The following SV2A variants were observed in gnomAD, a reference collection of about 807,000 sequenced individuals.
SV2A encodes solute carrier family 22 member B1.
SV2A carries 25 observed loss-of-function variants against 78.0 expected under a neutral mutation model. The observed-to-expected ratio is 0.32, with a 90% CI of 0.23 to 0.45. SV2A has a LOEUF of 0.45. SV2A is among the 20% of genes least tolerant of loss of function. The probability of loss-of-function intolerance (pLI) is 1.00; values close to 1 mark genes in which losing one functional copy is unlikely to be tolerated. For missense variants in SV2A, 752 were observed against 971.5 expected, an observed-to-expected ratio of 0.77 and a Z score of 3.00; for synonymous variants, 355 against 384.7, an observed-to-expected ratio of 0.92 and a Z score of 0.90.
Position 149,909,543 on chromosome 1 carries a change from T to TC in SV2A, c.1207dup (p.Glu403GlyfsTer3). On this transcript the variant is annotated frameshift_variant, in exon 7 of 13. Transcript: ENST00000369146. LOFTEE classifies it high-confidence loss of function. ...CGACTGGATCTCAATCAATTCATCC[T>TC]CCTGATGAATCGTCTTAATGTGGGT... The TC allele has an allele frequency of 1.9e-6, 3 of 1,614,026 alleles. No homozygotes were observed. Among genetic ancestry groups the TC allele is most frequent in the Non-Finnish European group, 2.5e-6 (3 of 1,179,956 alleles).
chr1:149,907,609 G>A, intron 10 of SV2A, 91 bp downstream of exon 10: 1 of 1,471,280 alleles, frequency 6.8e-7, no homozygotes, highest in Non-Finnish European at 9.1e-7. Flanking sequence ...ATCTCAGCTT[G>A]AGAACCCTAA....
intron 1 of SV2A, 148 bp downstream of exon 1, chr1:149,917,591 C>T (rs1553764714): frequency 6.6e-6 from 1 of 152,276 alleles, no homozygotes; most frequent in East Asian, 1.9e-4. Context: ...CAAACCACCA[C>T]CAACCCACCA....
chr1:149,909,885 T>C lies in SV2A; in HGVS notation c.1095A>G (p.Gly365=). 3.1e-6 allele frequency: 5 copies of C among 1,613,978 alleles called. No homozygotes were observed. Among genetic ancestry groups the C allele is most frequent in the Non-Finnish European group, 4.2e-6 (5 of 1,179,974 alleles). ...GCACCATCCAGGCCTCATCATGCTT[T>C]CCATTCTAGAGCCAAAGACACAATC... The part of the protein sequence containing the change: ...PESPRFFLEN[G]KHDEAWMVLK... The change falls in exon 6 of 13, where the codon GGA becomes GGG. Residue 365 remains glycine, a synonymous_variant. Coordinates refer to ENST00000369146, the MANE Select transcript of SV2A (RefSeq NM_014849.5).
At position 149,910,466 on chromosome 1, in the gene SV2A, G is replaced by T; in HGVS notation, c.1089+104C>A. On this transcript the variant is annotated intron_variant, in intron 5 of 12. Coordinates refer to ENST00000369146, the MANE Select transcript of SV2A (RefSeq NM_014849.5). This position sits in a 1 kb window ranked among gnomAD's most constrained non-coding sequence, Gnocchi z 4.2. ...GTGAGGAAGGCAGGCAGTCAAACAG[G>T]ATCAAATCAAACTCCAGTTGGTGTT... 4 of 1,422,402 alleles carry T rather than the reference G, an allele frequency of 2.8e-6. No homozygotes were observed. The highest frequency in any genetic ancestry group is 3.7e-6 in the Non-Finnish European group (4 of 1,080,338). 88.1% of individuals were successfully genotyped at this position (1,422,402 alleles called of 1,614,324 possible).
chr1:149,909,337 A>G (rs923181359), intron 7 of SV2A, 57 bp from the exon 8 acceptor site: 3 of 1,595,042 alleles, frequency 1.9e-6, no homozygotes, highest in Admixed American at 1.7e-5. Context: ...GCACCCATAG[A>G]TCCCCACTTT....
intron 12 of SV2A, chr1:149,905,432 C>G (rs1203725005): frequency 1.2e-5 from 5 of 417,194 alleles, no homozygotes; most frequent in Non-Finnish European, 2.1e-5. Context: ...GGAGTAGATA[C>G]AAAAGCTACC....
intron 1 of SV2A, among the ~76,000 whole-genome samples, chr1:149,917,153 A>T (rs1357879511): frequency 2.7e-5 from 3 of 111,542 alleles, no homozygotes; most frequent in African/African-American, 1.0e-4. Context: ...CCTTCCCCCC[A>T]CCCCGGAGCA....
chr1:149,908,586 GC>G (rs1376464027), intron 8 of SV2A, among the ~76,000 whole-genome samples: 2 of 147,692 alleles, frequency 1.4e-5, no homozygotes, highest in Non-Finnish European at 3.0e-5. Context: ...TGCTCCCACT[GC>G]CCTTCCCCCA....
At position 149,906,804 on chromosome 1, in the gene SV2A, C is replaced by A. The variant is rs143496162; in HGVS notation, c.1731G>T (p.Leu577=). 6.8e-6 allele frequency: 11 copies of A among 1,614,082 alleles called. No individual in the cohort carries two copies. The African/African-American group carries it at 1.1e-4, about 16-fold the overall frequency. The part of the protein sequence containing the change: ...VNSRLINSTF[L]HNKEGCPLDV... ...CTAGCGGGCAGCCCTCCTTGTTGTG[C>A]AGGAATGTACTGTTTATCAGACGGC... Residue 577 remains leucine, a synonymous_variant, in exon 11 of 13, where the codon CTG becomes CTT. Coordinates refer to ENST00000369146, the MANE Select transcript of SV2A (RefSeq NM_014849.5).
chr1:149,906,404 C>T (rs1480972520), intron 11 of SV2A, among the ~76,000 whole-genome samples: 4 of 152,154 alleles, frequency 2.6e-5, no homozygotes, highest in Non-Finnish European at 4.4e-5. Flanking sequence ...GGTGGTGGAG[C>T]TGAGATTCAA....
rs188438796 is a variant in SV2A at position 149,905,315 on chromosome 1, A to G, written c.2046-118T>C. 7 of 885,102 alleles carry G rather than the reference A, an allele frequency of 7.9e-6. No homozygotes were observed. The Admixed American group carries it at 7.9e-5, about 10-fold the overall frequency. 54.8% of individuals were successfully genotyped at this position (885,102 alleles called of 1,614,324 possible). A position where few individuals can be genotyped will look rare whatever the true frequency, so the allele number is the denominator to read the frequency against. On this transcript the variant is annotated intron_variant, in intron 12 of 12. Transcript: ENST00000369146. ...CAGGCAGTGTCCAAGAGGGAGAGAG[A>G]AGGTTGGAGAGATCAGAGAGGTAAA...
In SV2A at chr1:149,913,873, C is replaced by T; in HGVS notation, c.-33G>A. 1 of 1,557,396 alleles carries T rather than the reference C, an allele frequency of 6.4e-7. No individual in the cohort carries two copies. Among genetic ancestry groups the T allele is most frequent in the East Asian group, 2.3e-5 (1 of 44,306 alleles). On this transcript the variant is annotated 5_prime_UTR_variant, in exon 2 of 13. Transcript: ENST00000369146. ...CTTGGGGCACTTCACTGGGTCTTCT[C>T]CACCTCCTGCTTCTTTTTCAGCTTT...
intron 11 of SV2A, 37 bp from the exon 12 acceptor site, chr1:149,906,076 C>T (rs1248733256): frequency 3.7e-6 from 6 of 1,610,352 alleles, no homozygotes; most frequent in Non-Finnish European, 5.1e-6. Context: ...ATGAGCCTGG[C>T]CACAGTGAAA....
At chr1:149,916,511 A>C (rs1029974340) in intron 1 of SV2A, among the ~76,000 whole-genome samples, 3 of 152,224 alleles carry the variant, frequency 2.0e-5, no homozygotes, top group Non-Finnish European at 4.4e-5. Flanking sequence ...ACTTCACCTG[A>C]CAGGAAAAAA....
chr1:149,906,066 A>T, intron 11 of SV2A, 27 bp from the exon 12 acceptor site: 2 of 1,613,096 alleles, frequency 1.2e-6, no homozygotes, highest in Non-Finnish European at 1.7e-6. Context: ...AGAGAGCAAC[A>T]TGAGCCTGGC....
chr1:149,911,651 G>T, intron 3 of SV2A, 149 bp downstream of exon 3: 1 of 833,822 alleles, frequency 1.2e-6, no homozygotes, highest in Non-Finnish European at 1.8e-6. Context: ...GCCTGAAGAT[G>T]GCTGGGGGAG....
At chr1:149,908,953 G>A (rs375381022) in intron 8 of SV2A, among the ~76,000 whole-genome samples, 56 of 152,248 alleles carry the variant, frequency 3.7e-4, no homozygotes, top group African/African-American at 1.2e-3. Context: ...AACTCCAGGA[G>A]GACCTTGGAC....
chr1:149,906,203 C>T (rs782676370), intron 11 of SV2A, among the ~76,000 whole-genome samples, 164 bp from the exon 12 acceptor site: 5 of 152,222 alleles, frequency 3.3e-5, no homozygotes, highest in Non-Finnish European at 7.3e-5. Context: ...CCTCCTCAAC[C>T]TCCCTTATAA....
intron 10 of SV2A, 142 bp downstream of exon 10, chr1:149,907,558 G>C: frequency 1.1e-6 from 1 of 908,532 alleles, no homozygotes; most frequent in Admixed American, 2.9e-5. Context: ...ATTGGTGGTA[G>C]CTATCAGGCC....
Sources: gnomAD v4.1 joint callset for allele counts (sites outside exome capture counted in the v4.1 genomes callset) on GRCh38, gnomAD v4.1.1 for gene constraint, Gnocchi (gnomAD v3.1) non-coding constraint, MANE v1.5 for transcripts, NCBI Gene and HGNC (gene_info 2026-07-23, HGNC 2026-07-21) for gene names.